Variants in SHANK2 observed in about 807,000 individuals in gnomAD.
The protein encoded by SHANK2 is SH3 and multiple ankyrin repeat domains protein 2.
A neutral mutation model predicts 133.7 loss-of-function variants in SHANK2; 43 were observed. The ratio of observed to expected loss-of-function variants is 0.32; its 90% CI spans 0.25 to 0.41. The LOEUF (loss-of-function observed/expected upper bound fraction) is 0.41, where lower values mean the gene tolerates loss of function less well. Among genes scored for constraint, SHANK2 ranks in the 10% least tolerant of loss-of-function variants. SHANK2 has a pLI of 1.00. For missense variants in SHANK2, 1,994 were observed against 2,235.8 expected (o/e 0.89, Z 2.18); for synonymous variants, 1,017 against 952.8 (o/e 1.07, Z -1.24).
chr11:70,884,301 G>A (rs539129781), intron 11 of SHANK2, among the ~76,000 whole-genome samples: 21 of 152,318 alleles, frequency 1.4e-4, no homozygotes, highest in African/African-American at 5.1e-4. Flanking sequence ...GGCCCCTAGG[G>A]ATTGTGAGTG....
intron 25 of SHANK2, among the ~76,000 whole-genome samples, chr11:70,482,965 A>T (rs2058755686): frequency 6.6e-6 from 1 of 152,176 alleles, no homozygotes. Flanking sequence ...TGAGCTGTCC[A>T]GCTGCCACTC....
At chr11:71,134,068 G>A (rs35264525) in intron 3 of SHANK2, among the ~76,000 whole-genome samples, 14 of 151,842 alleles carry the variant, frequency 9.2e-5, no homozygotes, top group African/African-American at 2.7e-4. Flanking sequence ...TACCTTTCTC[G>A]GTGGACTGGG....
At chr11:70,502,392 T>A in intron 18 of SHANK2, 106 bp from the exon 19 acceptor site, 1 of 1,007,810 alleles carries the variant, frequency 9.9e-7, no homozygotes, top group Non-Finnish European at 1.5e-6. Context: ...TCAGGCTGTT[T>A]GGCTGCGGTG....
intron 2 of SHANK2, among the ~76,000 whole-genome samples, chr11:71,221,453 CCT>C (rs1470967936): frequency 1.1e-4 from 17 of 152,254 alleles, no homozygotes; most frequent in Non-Finnish European, 1.8e-4. Flanking sequence ...CGCTTGATCC[CCT>C]GTTTCCCCAC....
At chr11:70,554,555 C>A (rs114205025) in intron 17 of SHANK2, among the ~76,000 whole-genome samples, 5 of 152,158 alleles carry the variant, frequency 3.3e-5, no homozygotes, top group East Asian at 1.9e-4. Context: ...TCTCCTCCCC[C>A]CTCCCCCAGG....
Position 70,677,871 on chromosome 11 carries a change from G to A in SHANK2, c.1854-16193C>T, listed in dbSNP as rs563197335. Among the ~76,000 whole-genome samples the A allele has an allele frequency of 3.9e-5, 6 of 152,332 alleles. No individual in the cohort carries two copies. The East Asian group carries it at 9.6e-4, about 24-fold the overall frequency. ...GCTGAGGAAGACACATCTTAAGAACGAGCTGCTTGTCCCAGTTGTAGGCTC... is the reference window on the plus strand; with the variant it reads ...GCTGAGGAAGACACATCTTAAGAACAAGCTGCTTGTCCCAGTTGTAGGCTC... On this transcript the variant is annotated intron_variant, in intron 15 of 25. Coordinates refer to ENST00000601538, the MANE Select transcript of SHANK2 (RefSeq NM_012309.5).
intron 14 of SHANK2, among the ~76,000 whole-genome samples, chr11:70,768,184 G>C (rs1315410787): frequency 1.3e-5 from 2 of 152,210 alleles, no homozygotes; most frequent in African/African-American, 4.8e-5. Context: ...ATGCAGTGTA[G>C]ATGTGAGTTC....
intron 14 of SHANK2, among the ~76,000 whole-genome samples, chr11:70,757,810 C>T (rs1199578503): frequency 1.3e-5 from 2 of 152,148 alleles, no homozygotes; most frequent in Non-Finnish European, 2.9e-5. Context: ...GTGGGGTCCC[C>T]CGACACACCA....
intron 2 of SHANK2, among the ~76,000 whole-genome samples, chr11:71,207,642 A>G (rs1954154757): frequency 6.6e-6 from 1 of 152,170 alleles, no homozygotes; most frequent in African/African-American, 2.4e-5. Flanking sequence ...CTTTGCTGAG[A>G]TGCAGGTAAA....
In SHANK2 at chr11:70,535,954, G is replaced by A. The variant is rs560820808; in HGVS notation, c.2062-33023C>T. Among the ~76,000 whole-genome samples, 53 of 152,384 alleles carry A rather than the reference G, an allele frequency of 3.5e-4. No individual in the cohort carries two copies. The highest frequency in any genetic ancestry group is 1.2e-3 in the African/African-American group (51 of 41,598). On this transcript the variant is annotated intron_variant, in intron 17 of 25. Coordinates refer to ENST00000601538, the MANE Select transcript of SHANK2 (RefSeq NM_012309.5). This position sits in a 1 kb window ranked among gnomAD's most constrained non-coding sequence, Gnocchi z 4.3. ...ATGGACATGTGGCTCACCCGAGGCTGGTTGACTGAGGGGGCTGCGTGGGGG... is the reference window on the plus strand; with the variant it reads ...ATGGACATGTGGCTCACCCGAGGCTAGTTGACTGAGGGGGCTGCGTGGGGG...
intron 1 of SHANK2, among the ~76,000 whole-genome samples, chr11:71,231,180 C>T (rs1339991873): frequency 2.6e-5 from 4 of 151,848 alleles, no homozygotes; most frequent in African/African-American, 4.8e-5. Flanking sequence ...ACAAATAATT[C>T]GAAATAATAT....
chr11:71,104,469 T>G (rs73521151), intron 6 of SHANK2, among the ~76,000 whole-genome samples: 4 of 152,194 alleles, frequency 2.6e-5, no homozygotes, highest in Non-Finnish European at 5.9e-5. Flanking sequence ...CCGTCCCTTA[T>G]GCTCTGCCTT....
chr11:70,532,896 C>T (rs953594661), intron 17 of SHANK2, among the ~76,000 whole-genome samples: 11 of 148,018 alleles, frequency 7.4e-5, no homozygotes, highest in African/African-American at 1.0e-4. Context: ...ACTCTGTGGT[C>T]GAGCCATACA....
intron 14 of SHANK2, among the ~76,000 whole-genome samples, chr11:70,706,517 T>C (rs1017353615): frequency 4.6e-5 from 7 of 152,104 alleles, no homozygotes; most frequent in Non-Finnish European, 8.8e-5. Context: ...ACCTCCTCAC[T>C]TTGCATCTCT....
intron 14 of SHANK2, among the ~76,000 whole-genome samples, chr11:70,773,304 AGCGT>A (rs1298969493): frequency 1.3e-5 from 2 of 152,240 alleles, no homozygotes; most frequent in African/African-American, 4.8e-5. Flanking sequence ...CCGTTCCTGA[AGCGT>A]TATTCACAAG....
intron 10 of SHANK2, among the ~76,000 whole-genome samples, chr11:70,926,587 C>A (rs1445693488): frequency 2.0e-5 from 3 of 152,146 alleles, no homozygotes; most frequent in African/African-American, 7.2e-5. Flanking sequence ...ACGATAGGGG[C>A]CATTCCATAC....
intron 1 of SHANK2, among the ~76,000 whole-genome samples, chr11:71,229,478 T>C (rs544240241): frequency 1.1e-4 from 17 of 152,158 alleles, no homozygotes; most frequent in African/African-American, 3.9e-4. Context: ...GCTCAAAAAA[T>C]GAAAGAGTTG....
intron 10 of SHANK2, chr11:70,908,160 G>A (rs1555078340): frequency 7.7e-6 from 2 of 259,670 alleles, no homozygotes; most frequent in Non-Finnish European, 1.5e-5. Flanking sequence ...TGCTAGTGCA[G>A]CAGTGAAACA....
chr11:71,141,613 G>A (rs1425884160), intron 3 of SHANK2, among the ~76,000 whole-genome samples: 4 of 152,120 alleles, frequency 2.6e-5, no homozygotes, highest in African/African-American at 7.2e-5. Flanking sequence ...TATTAAACCT[G>A]TTTTTTATTA....
Sources: allele counts gnomAD v4.1 joint callset (sites outside exome capture counted in the v4.1 genomes callset), GRCh38; gene constraint gnomAD v4.1.1; non-coding constraint Gnocchi (gnomAD v3.1); transcripts MANE v1.5; gene names NCBI Gene and HGNC (gene_info 2026-07-23, HGNC 2026-07-21).